The following CACNA2D3 variants were observed in gnomAD, a reference collection of about 807,000 sequenced individuals.
The protein encoded by CACNA2D3 is voltage-dependent calcium channel subunit alpha-2/delta-3.
A neutral mutation model predicts 160.6 loss-of-function variants in CACNA2D3; 60 were observed. That is an observed-to-expected ratio of 0.37 (90% CI 0.30 to 0.46). The LOEUF (loss-of-function observed/expected upper bound fraction) is 0.46. Among genes scored for constraint, CACNA2D3 ranks in the 20% least tolerant of loss-of-function variants. The pLI, the probability that CACNA2D3 is intolerant of heterozygous loss-of-function variation, is 1.00. For synonymous variants in CACNA2D3, 558 were observed against 492.9 expected, an observed-to-expected ratio of 1.13 and a Z score of -1.75; for missense variants, 1,205 against 1,365.0, an observed-to-expected ratio of 0.88 and a Z score of 1.85.
intron 25 of CACNA2D3, chr3:54,894,765 G>A (rs988425786): frequency 2.3e-6 from 1 of 432,736 alleles, no homozygotes; most frequent in African/African-American, 2.0e-5. Flanking sequence ...TCTAGCGAAA[G>A]AAATGAAAAG....
intron 3 of CACNA2D3, among the ~76,000 whole-genome samples, chr3:54,349,437 G>A (rs1417708343): frequency 6.6e-6 from 1 of 152,198 alleles, no homozygotes; most frequent in Admixed American, 6.5e-5. Context: ...GAGCCTATCA[G>A]CAATACCAGC....
intron 27 of CACNA2D3, among the ~76,000 whole-genome samples, chr3:54,929,211 GACA>G (rs762381781): frequency 5.3e-5 from 8 of 152,290 alleles, no homozygotes; most frequent in African/African-American, 1.4e-4. Flanking sequence ...CTGACATGGG[GACA>G]ACATTAGCCC....
intron 11 of CACNA2D3, among the ~76,000 whole-genome samples, chr3:54,678,177 A>C (rs561054618): frequency 6.6e-6 from 1 of 152,172 alleles, no homozygotes; most frequent in African/African-American, 2.4e-5. Flanking sequence ...CCTCTATTTT[A>C]GACAGACCTT....
intron 35 of CACNA2D3, among the ~76,000 whole-genome samples, chr3:55,028,876 C>G (rs939322804): frequency 6.6e-6 from 1 of 152,092 alleles, no homozygotes; most frequent in East Asian, 1.9e-4. Context: ...CCTGGAAGCC[C>G]CAAAAGCTGT....
intron 33 of CACNA2D3, 82 bp from the exon 34 acceptor site, chr3:55,009,306 G>C: frequency 8.1e-7 from 1 of 1,241,250 alleles, no homozygotes; most frequent in Non-Finnish European, 1.2e-6. Context: ...GGTAAGCGAT[G>C]CCAAAGAATA....
chr3:54,796,235 C>A (rs1199112492), intron 13 of CACNA2D3, among the ~76,000 whole-genome samples: 1 of 152,134 alleles, frequency 6.6e-6, no homozygotes, highest in Admixed American at 6.6e-5. Context: ...ATTATACTAT[C>A]AGATCAAAAA....
In CACNA2D3 at chr3:54,642,651, G is replaced by T. The variant is rs554671712; in HGVS notation, c.1167+410G>T. 3.3e-4 allele frequency among the ~76,000 whole-genome samples: 50 copies of T among 152,108 alleles called. No homozygotes were observed. In the South Asian group the frequency reaches 0.01, roughly 31 times the overall value. ...TTGTGTTTGTATAGTTCCTCCCACG[G>T]CCCCCATTACCACCCAGAAACTTCT... On this transcript the variant is annotated intron_variant, in intron 11 of 37. Transcript: ENST00000474759.
chr3:54,525,834 T>C (rs761872174), intron 5 of CACNA2D3, among the ~76,000 whole-genome samples: 11 of 152,068 alleles, frequency 7.2e-5, no homozygotes, highest in Non-Finnish European at 1.3e-4. Flanking sequence ...TTTATATGAA[T>C]TGGAGTTCAT....
intron 3 of CACNA2D3, among the ~76,000 whole-genome samples, chr3:54,341,988 A>C (rs115447060): frequency 6.6e-5 from 10 of 152,368 alleles, no homozygotes; most frequent in Non-Finnish European, 1.2e-4. Flanking sequence ...TCTTCAGAAC[A>C]TTAAGGAGTA....
intron 4 of CACNA2D3, among the ~76,000 whole-genome samples, chr3:54,463,508 C>T (rs1700548344): frequency 6.6e-6 from 1 of 152,148 alleles, no homozygotes; most frequent in Non-Finnish European, 1.5e-5. Context: ...TCTCATCTTG[C>T]TTCATTTCAT....
At chr3:54,745,353 A>G (rs1410417418) in intron 11 of CACNA2D3, among the ~76,000 whole-genome samples, 1 of 151,772 alleles carries the variant, frequency 6.6e-6, no homozygotes, top group Non-Finnish European at 1.5e-5. Context: ...CGAGTGTGAG[A>G]GCCTGATGAA....
intron 29 of CACNA2D3, among the ~76,000 whole-genome samples, chr3:54,973,446 G>C (rs1702318464): frequency 6.6e-6 from 1 of 152,200 alleles, no homozygotes; most frequent in Admixed American, 6.5e-5. Context: ...ACGGCAGCGA[G>C]AGAATCGAAA....
At chr3:54,350,096 G>T (rs1483967464) in intron 3 of CACNA2D3, among the ~76,000 whole-genome samples, 1 of 152,132 alleles carries the variant, frequency 6.6e-6, no homozygotes. Context: ...ATCTCCCAGT[G>T]GGCAGTGTTT....
Position 54,891,351 on chromosome 3 carries a change from T to C in CACNA2D3, c.2151-4T>C. The C allele has an allele frequency of 6.2e-7, 1 of 1,612,378 alleles. No homozygotes were observed. The highest frequency in any genetic ancestry group is 8.5e-7 in the Non-Finnish European group (1 of 1,178,550). ...TCCCCCTGACGTCTGTTGTTCTGTT[T>C]CAGAAATTCTGACAAGGGCGTGGAG... On this transcript the variant is annotated splice_region_variant and splice_polypyrimidine_tract_variant and intron_variant, in intron 24 of 37. Transcript: ENST00000474759.
At chr3:54,286,167 G>C (rs1703019581) in intron 2 of CACNA2D3, among the ~76,000 whole-genome samples, 1 of 152,142 alleles carries the variant, frequency 6.6e-6, no homozygotes, top group South Asian at 2.1e-4. Context: ...TGGCAAAGAA[G>C]TTAAAAACTT....
chr3:55,018,112 C>T (rs1703367760), intron 34 of CACNA2D3, 94 bp from the exon 35 acceptor site: 3 of 722,740 alleles, frequency 4.2e-6, no homozygotes, highest in Non-Finnish European at 5.0e-6. Flanking sequence ...GCAGCAGAAG[C>T]GGAACTGTGT....
intron 2 of CACNA2D3, among the ~76,000 whole-genome samples, chr3:54,285,682 G>A (rs1008542420): frequency 7.2e-5 from 11 of 152,228 alleles, no homozygotes; most frequent in Non-Finnish European, 1.6e-4. Flanking sequence ...GCACCCCCCA[G>A]TAGGGGCAGA....
intron 11 of CACNA2D3, among the ~76,000 whole-genome samples, chr3:54,685,867 C>T (rs181017675): frequency 6.6e-6 from 1 of 152,302 alleles, no homozygotes; most frequent in East Asian, 1.9e-4. Flanking sequence ...TGCTTTCCTA[C>T]TATAATCATT....
chr3:54,455,611 G>T (rs1035169994), intron 4 of CACNA2D3, among the ~76,000 whole-genome samples: 23 of 151,824 alleles, frequency 1.5e-4, no homozygotes, highest in African/African-American at 3.6e-4. Flanking sequence ...TGCTTCTGTT[G>T]TCTGTGCTTT....
Sources: gnomAD v4.1 joint callset for allele counts (sites outside exome capture counted in the v4.1 genomes callset) on GRCh38, gnomAD v4.1.1 for gene constraint, MANE v1.5 for transcripts, NCBI Gene and HGNC (gene_info 2026-07-23, HGNC 2026-07-21) for gene names.